PRUNE2: variants seen among roughly 807,000 people sequenced by gnomAD.
The protein encoded by PRUNE2 is prune homolog 2 with BCH domain.
In PRUNE2, 164 loss-of-function variants were observed where a neutral mutation model predicts 252.0. The ratio of observed to expected loss-of-function variants is 0.65; its 90% CI spans 0.57 to 0.74. The LOEUF (loss-of-function observed/expected upper bound fraction) is 0.74. Ranked by LOEUF, PRUNE2 falls within the 30% of genes least tolerant of loss-of-function variation. The pLI, the probability that PRUNE2 is intolerant of heterozygous loss-of-function variation, is 0.00. For synonymous variants in PRUNE2, 1,292 were observed against 1,350.2 expected (o/e 0.96, Z 0.94); for missense variants, 3,495 against 3,711.0 (o/e 0.94, Z 1.51).
chr9:76,833,757 T>G (rs1464350794), intron 4 of PRUNE2, among the ~76,000 whole-genome samples: 1 of 147,222 alleles, frequency 6.8e-6, no homozygotes, highest in Non-Finnish European at 1.5e-5. Flanking sequence ...AGAGCAAGAC[T>G]CCATAAAAAA....
At chr9:76,821,917 C>T (rs991540416) in intron 6 of PRUNE2, among the ~76,000 whole-genome samples, 11 of 151,972 alleles carry the variant, frequency 7.2e-5, no homozygotes, top group Admixed American at 3.3e-4. Flanking sequence ...ACAGACAGTT[C>T]CCTAAGCAAT....
At position 76,705,994 on chromosome 9, in the gene PRUNE2, C is replaced by T. The variant is rs200738688; in HGVS notation, c.6280G>A (p.Glu2094Lys). 5.9e-5 allele frequency: 95 copies of T among 1,613,844 alleles called. 2 individuals carry two copies. Among genetic ancestry groups the T allele is most frequent in the South Asian group, 1.8e-4 (16 of 91,088 alleles). The change falls in exon 8 of 19, where the codon GAA becomes AAA. Residue 2094 changes from glutamate (E) to lysine (K), a missense_variant. By Grantham distance (56) the Glu-to-Lys change is moderately conservative. Coordinates refer to ENST00000376718, the MANE Select transcript of PRUNE2 (RefSeq NM_015225.3). Reference sequence around the variant, plus strand: ...GAAGCCTGAGAATTGCTGTCATGTTCGCAGTGCGTCAGGATATCAGGATTC... The same window carrying T: ...GAAGCCTGAGAATTGCTGTCATGTTTGCAGTGCGTCAGGATATCAGGATTC... ...GENPDILTHC[E>K]HDSNSQASDS... is the part of the protein sequence containing the mutation.
At position 76,709,755 on chromosome 9, in the gene PRUNE2, C is replaced by T. The variant is rs765485214; in HGVS notation, c.2519G>A (p.Gly840Glu). 2 of 1,613,940 alleles carry T rather than the reference C, an allele frequency of 1.2e-6. No homozygotes were observed. Among genetic ancestry groups the T allele is most frequent in the South Asian group, 1.1e-5 (1 of 91,070 alleles). Reference sequence around the variant, plus strand: ...TAGTTCTGAAGAAGAAAAGGCAAACCCACTTTTTGCCATGGCCCACTCATT... The same window carrying T: ...TAGTTCTGAAGAAGAAAAGGCAAACTCACTTTTTGCCATGGCCCACTCATT... ...DPNEWAMAKSGFAFSSSELLD... is the reference protein window; with the variant it reads ...DPNEWAMAKSEFAFSSSELLD... Residue 840 changes from glycine to glutamate, a missense_variant, in exon 8 of 19, where the codon GGG becomes GAG. By Grantham distance (98) the Gly-to-Glu change is moderately conservative. Transcript: ENST00000376718.
At chr9:76,686,752 A>C (rs2134343685) in intron 9 of PRUNE2, among the ~76,000 whole-genome samples, 1 of 152,208 alleles carries the variant, frequency 6.6e-6, no homozygotes, top group Admixed American at 6.5e-5. Flanking sequence ...CACCATGCCC[A>C]GCTAAGTTTT....
At position 76,710,538 on chromosome 9, in the gene PRUNE2, T is replaced by A. The variant is rs1228245348; in HGVS notation, c.1736A>T (p.Asp579Val). ...EFVQRQDSPR[D>V]NSERNLSLTD... Reference sequence around the variant, plus strand: ...CAGGCTCAAATTTCTTTCAGAGTTATCTCTGGGACTGTCTTGTCTCTGGAC... The same window carrying A: ...CAGGCTCAAATTTCTTTCAGAGTTAACTCTGGGACTGTCTTGTCTCTGGAC... Residue 579 changes from aspartate to valine, a missense_variant, in exon 8 of 19, where the codon GAT becomes GTT. Asp to Val is a radical substitution (Grantham distance 152, BLOSUM62 -3). Coordinates refer to ENST00000376718, the MANE Select transcript of PRUNE2 (RefSeq NM_015225.3). 1 of 1,613,962 alleles carries A rather than the reference T, an allele frequency of 6.2e-7. No individual in the cohort carries two copies. Among genetic ancestry groups the A allele is most frequent in the South Asian group, 1.1e-5 (1 of 91,068 alleles).
chr9:76,827,773 G>T (rs2058431037), intron 4 of PRUNE2, among the ~76,000 whole-genome samples: 1 of 152,182 alleles, frequency 6.6e-6, no homozygotes, highest in African/African-American at 2.4e-5. Context: ...AAACATGCTG[G>T]AAAGTCCCAA....
chr9:76,746,423 C>T (rs984245834), intron 6 of PRUNE2, among the ~76,000 whole-genome samples: 3 of 152,118 alleles, frequency 2.0e-5, no homozygotes, highest in Admixed American at 6.5e-5. Flanking sequence ...CCCCAAAGAG[C>T]GGCCGGGCGC....
chr9:76,634,074 T>C (rs569865371), intron 15 of PRUNE2, among the ~76,000 whole-genome samples: 1 of 151,718 alleles, frequency 6.6e-6, no homozygotes, highest in Non-Finnish European at 1.5e-5. Context: ...ATCGTGCCAC[T>C]GCACTCCAGC....
chr9:76,666,350 C>T lies in PRUNE2; in HGVS notation c.8277-10848G>A, dbSNP rs879631758. ...GGGCCTGACATCAGTCAGGCTTGCCCGCAGTTATCCGGAGGCCTAACCATC... is the reference window on the plus strand; with the variant it reads ...GGGCCTGACATCAGTCAGGCTTGCCTGCAGTTATCCGGAGGCCTAACCATC... On this transcript the variant is annotated intron_variant, in intron 9 of 18. Transcript: ENST00000376718. Among the ~76,000 whole-genome samples, 7 of 152,160 alleles carry T rather than the reference C, an allele frequency of 4.6e-5. No individual in the cohort carries two copies. In the South Asian group the frequency reaches 1.0e-3, roughly 23 times the overall value.
At chr9:76,737,403 G>A (rs2049172471) in intron 6 of PRUNE2, 1 of 152,196 alleles carries the variant, frequency 6.6e-6, no homozygotes, top group South Asian at 2.1e-4. Flanking sequence ...CACCGCTGCA[G>A]GGCAGCACAT....
intron 12 of PRUNE2, 99 bp downstream of exon 12, chr9:76,644,640 T>G: frequency 1.8e-6 from 2 of 1,108,802 alleles, no homozygotes; most frequent in Non-Finnish European, 2.8e-6. Flanking sequence ...ATAGGGTCTT[T>G]GAGATGTCAT....
chr9:76,820,619 C>T (rs565973192), intron 6 of PRUNE2, among the ~76,000 whole-genome samples: 1 of 152,286 alleles, frequency 6.6e-6, no homozygotes, highest in African/African-American at 2.4e-5. Flanking sequence ...TTCCCATATC[C>T]CCGACATGCT....
chr9:76,790,361 C>A (rs1259767652), intron 6 of PRUNE2, among the ~76,000 whole-genome samples: 4 of 152,152 alleles, frequency 2.6e-5, no homozygotes, highest in African/African-American at 7.2e-5. Context: ...GCACTTCTAG[C>A]CACAGTGACC....
chr9:76,849,501 G>A (rs189006019), intron 3 of PRUNE2, among the ~76,000 whole-genome samples: 100 of 152,190 alleles, frequency 6.6e-4, no homozygotes, highest in Non-Finnish European at 1.5e-4. Flanking sequence ...CTATTGTATT[G>A]CTATAAGAAA....
intron 1 of PRUNE2, among the ~76,000 whole-genome samples, chr9:76,878,639 A>AGCTTCACTCTGCCACCCAGGCT (rs1680910678): frequency 6.6e-6 from 1 of 152,194 alleles, no homozygotes; most frequent in Non-Finnish European, 1.5e-5. Context: ...AAAATCTGCA[A>AGCTTCACTCTGCCACCCAGGCT]GGACAAGGTA....
At chr9:76,696,711 G>C (rs2045421715) in intron 9 of PRUNE2, among the ~76,000 whole-genome samples, 1 of 152,192 alleles carries the variant, frequency 6.6e-6, no homozygotes, top group Admixed American at 6.5e-5. Flanking sequence ...CAGGCATGAG[G>C]CGCCACGCCC....
chr9:76,670,491 G>C (rs886452949), intron 9 of PRUNE2, among the ~76,000 whole-genome samples: 2 of 151,680 alleles, frequency 1.3e-5, no homozygotes, highest in Non-Finnish European at 3.0e-5. Flanking sequence ...GCCCACCATT[G>C]CCCAGGCTTG....
At chr9:76,730,107 A>C (rs970936361) in intron 6 of PRUNE2, among the ~76,000 whole-genome samples, 1 of 152,234 alleles carries the variant, frequency 6.6e-6, no homozygotes. Flanking sequence ...CAATTGATTT[A>C]AATAGGTTTG....
At chr9:76,860,068 G>A (rs2060467635) in intron 1 of PRUNE2, among the ~76,000 whole-genome samples, 1 of 152,136 alleles carries the variant, frequency 6.6e-6, no homozygotes, top group African/African-American at 2.4e-5. Context: ...TGATTGGCTG[G>A]GGATGAACTC....
Sources: gnomAD v4.1 joint callset for allele counts (sites outside exome capture counted in the v4.1 genomes callset) on GRCh38, gnomAD v4.1.1 for gene constraint, MANE v1.5 for transcripts, NCBI Gene and HGNC (gene_info 2026-07-23, HGNC 2026-07-21) for gene names.